RGL1: variants seen among roughly 807,000 people sequenced by gnomAD.
RGL1 encodes the protein ral guanine nucleotide dissociation stimulator like 1.
A neutral mutation model predicts 95.2 loss-of-function variants in RGL1; 24 were observed. The ratio of observed to expected loss-of-function variants is 0.25; its 90% CI spans 0.18 to 0.35. RGL1 has a LOEUF of 0.35. Ranked by LOEUF, RGL1 falls within the 10% of genes least tolerant of loss-of-function variation. The pLI, the probability that RGL1 is intolerant of heterozygous loss-of-function variation, is 1.00. For missense variants in RGL1, 715 were observed against 936.3 expected (o/e 0.76, Z 3.08); for synonymous variants, 329 against 344.9 (o/e 0.95, Z 0.51).
intron 2 of RGL1, among the ~76,000 whole-genome samples, chr1:183,742,594 C>T (rs1002916282): frequency 3.9e-5 from 6 of 152,248 alleles, no homozygotes; most frequent in South Asian, 2.1e-4. Flanking sequence ...GTGGGTATCC[C>T]GCTAGCTACA....
chr1:183,640,807 GAA>G (rs1426154051), intron 1 of RGL1, among the ~76,000 whole-genome samples: 1 of 152,116 alleles, frequency 6.6e-6, no homozygotes, highest in African/African-American at 2.4e-5. Flanking sequence ...CTAGAATTGT[GAA>G]AAGAGTGTTG....
rs568311710 is a variant in RGL1, at chr1:183,703,211, C to T, written c.-32-38915C>T. 1.1e-4 allele frequency among the ~76,000 whole-genome samples: 16 copies of T among 152,254 alleles called. No individual in the cohort carries two copies. In the South Asian group the frequency reaches 1.7e-3, roughly 16 times the overall value. ...TGGTTATAGAAAAAGGGAAAAGCGA[C>T]GACTTTCTCAATAACTACTTCAAGC... is the stretch of plus-strand genomic sequence containing the variant. On this transcript the variant is annotated intron_variant, in intron 1 of 18. Transcript: ENST00000304685.
intron 1 of RGL1, among the ~76,000 whole-genome samples, chr1:183,711,994 A>G (rs944410336): frequency 6.6e-6 from 1 of 152,180 alleles, no homozygotes; most frequent in Admixed American, 6.5e-5. Context: ...TTTACTTGGC[A>G]AGGTTTTTCT....
intron 1 of RGL1, among the ~76,000 whole-genome samples, chr1:183,684,939 G>A (rs1653477868): frequency 6.6e-6 from 1 of 152,218 alleles, no homozygotes; most frequent in South Asian, 2.1e-4. Context: ...ACCAGTCCCA[G>A]TGAGATGAGC....
intron 2 of RGL1, among the ~76,000 whole-genome samples, chr1:183,812,257 T>C (rs11580938): frequency 0.25 from 37,332 of 152,208 alleles, 5,496 homozygotes; most frequent in Middle Eastern, 0.35. Context: ...ATAAGAAATG[T>C]TACTTCATTC....
chr1:183,818,828 A>G (rs541309404), intron 2 of RGL1, among the ~76,000 whole-genome samples: 11 of 152,330 alleles, frequency 7.2e-5, no homozygotes, highest in Admixed American at 7.2e-4. Flanking sequence ...AAAGGAAAAC[A>G]TTGAAGCAGC....
At chr1:183,793,574 G>GA (rs933919797) in intron 2 of RGL1, among the ~76,000 whole-genome samples, 2 of 151,222 alleles carry the variant, frequency 1.3e-5, no homozygotes, top group African/African-American at 2.4e-5. Flanking sequence ...AACTCAACAG[G>GA]AAAAAACAAA....
chr1:183,866,196 G>C (rs1665826521), intron 4 of RGL1, 123 bp downstream of exon 4: 1 of 731,648 alleles, frequency 1.4e-6, no homozygotes, highest in Non-Finnish European at 2.3e-6. Context: ...GCATACAGAG[G>C]CTTATTTTTT....
chr1:183,664,368 T>C (rs115025894), intron 1 of RGL1, among the ~76,000 whole-genome samples: 209 of 152,272 alleles, frequency 1.4e-3, no homozygotes, highest in South Asian at 3.5e-3. Context: ...TTTCTTCATA[T>C]AGGATCATGT....
chr1:183,733,828 T>G (rs1388482724), intron 1 of RGL1, among the ~76,000 whole-genome samples: 1 of 152,212 alleles, frequency 6.6e-6, no homozygotes, highest in Non-Finnish European at 1.5e-5. Context: ...TCTGATCAAA[T>G]GAAGGAGGAA....
chr1:183,875,031 G>A (rs975892988), intron 4 of RGL1, among the ~76,000 whole-genome samples: 1 of 152,178 alleles, frequency 6.6e-6, no homozygotes, highest in Admixed American at 6.5e-5. Context: ...CACCGTCTGC[G>A]TAAATCTTCT....
At chr1:183,849,402 T>C (rs1250570542) in intron 3 of RGL1, among the ~76,000 whole-genome samples, 1 of 151,878 alleles carries the variant, frequency 6.6e-6, no homozygotes, top group African/African-American at 2.4e-5. Context: ...GATGAATCTA[T>C]CATAATCTTT....
intron 4 of RGL1, among the ~76,000 whole-genome samples, chr1:183,866,876 C>T (rs962999496): frequency 1.3e-5 from 2 of 152,030 alleles, no homozygotes; most frequent in East Asian, 1.9e-4. Flanking sequence ...GCTTGTGGTG[C>T]GGGCTGAAGC....
chr1:183,804,266 A>T (rs1431298215), upstream of RGL1, among the ~76,000 whole-genome samples: 1 of 152,112 alleles, frequency 6.6e-6, no homozygotes, highest in East Asian at 1.9e-4. Context: ...TGAGCCCTAA[A>T]GGTATTTGCA....
intron 3 of RGL1, among the ~76,000 whole-genome samples, chr1:183,848,439 G>T (rs1433702500): frequency 2.0e-5 from 3 of 152,128 alleles, no homozygotes. Flanking sequence ...GATACTGGGA[G>T]GAAGAAAGCT....
rs971950183 is a variant in RGL1 at position 183,926,302 on chromosome 1, C to T, written c.*10C>T. On this transcript the variant is annotated 3_prime_UTR_variant, in exon 18 of 18. Transcript: ENST00000360851. ...CAAAATCACCCTCTGAAGGGAGGGA[C>T]CAGTGGCCCCTTGTTTGCCAAAGGC... 6.3e-7 allele frequency: 1 copy of T among 1,593,882 alleles called. No homozygotes were observed. The highest frequency in any genetic ancestry group is 1.3e-5 in the African/African-American group (1 of 74,272).
chr1:183,839,167 A>T (rs923885637), intron 2 of RGL1, among the ~76,000 whole-genome samples: 6 of 152,186 alleles, frequency 3.9e-5, no homozygotes, highest in African/African-American at 9.7e-5. Context: ...ACTCATCCAG[A>T]TACCATCCTT....
chr1:183,870,004 G>A (rs960477181), intron 4 of RGL1, among the ~76,000 whole-genome samples: 1 of 152,184 alleles, frequency 6.6e-6, no homozygotes, highest in African/African-American at 2.4e-5. Flanking sequence ...CAACTCATGG[G>A]TAGAGGCCAG....
At chr1:183,707,184 G>A (rs1218860602) in intron 1 of RGL1, among the ~76,000 whole-genome samples, 1 of 152,184 alleles carries the variant, frequency 6.6e-6, no homozygotes, top group Non-Finnish European at 1.5e-5. Flanking sequence ...ACTAGGCTGG[G>A]CAGGAGCTTG....
Sources: allele counts gnomAD v4.1 joint callset (sites outside exome capture counted in the v4.1 genomes callset), GRCh38; gene constraint gnomAD v4.1.1; transcripts MANE v1.5; gene names NCBI Gene and HGNC (gene_info 2026-07-23, HGNC 2026-07-21).